Variants in CAMTA1 observed in about 807,000 individuals in gnomAD.
CAMTA1 encodes calmodulin binding transcription activator 1.
CAMTA1 carries 27 observed loss-of-function variants against 170.9 expected under a neutral mutation model. The observed-to-expected ratio is 0.16, with a 90% confidence interval of 0.12 to 0.22. The LOEUF (loss-of-function observed/expected upper bound fraction) is 0.22, where lower values mean the gene tolerates loss of function less well. CAMTA1 is among the 10% of genes least tolerant of loss of function. The pLI is 1.00. For missense variants in CAMTA1, 1,619 were observed against 2,217.2 expected (o/e 0.73, Z 5.42); for synonymous variants, 833 against 891.5 (o/e 0.93, Z 1.17).
chr1:7,740,357 T>C (rs1224209780), intron 16 of CAMTA1, among the ~76,000 whole-genome samples: 1 of 152,238 alleles, frequency 6.6e-6, no homozygotes, highest in African/African-American at 2.4e-5. Context: ...TTTATTTACA[T>C]AAACAGGCAG....
Position 7,625,615 on chromosome 1 carries a change from G to A in CAMTA1, c.511-14785G>A, listed in dbSNP as rs192091025. ...GAGAGGGACAGTTTGAGGCAGTGTC[G>A]GGGTTCACGAGCTTGCTCTCCTCTG... On this transcript the variant is annotated intron_variant, in intron 6 of 22. Transcript: ENST00000303635. Among the ~76,000 whole-genome samples, 785 of 152,398 alleles carry A rather than the reference G, an allele frequency of 5.2e-3. 8 individuals are homozygous for A. Among genetic ancestry groups the A allele is most frequent in the African/African-American group, 0.017 (725 of 41,594 alleles).
chr1:7,250,239 A>T (rs533780198), intron 5 of CAMTA1, among the ~76,000 whole-genome samples: 60 of 152,100 alleles, frequency 3.9e-4, no homozygotes, highest in Admixed American at 2.8e-3. Flanking sequence ...CACCCCACAG[A>T]CTCTCAACCT....
At chr1:7,675,272 G>A (rs1305034093) in intron 10 of CAMTA1, among the ~76,000 whole-genome samples, 1 of 152,206 alleles carries the variant, frequency 6.6e-6, no homozygotes, top group African/African-American at 2.4e-5. Context: ...GGGGTACGGG[G>A]AGCTGAATAC....
intron 5 of CAMTA1, among the ~76,000 whole-genome samples, chr1:7,282,429 T>G (rs1574415203): frequency 6.6e-6 from 1 of 152,312 alleles, no homozygotes. Flanking sequence ...AAGAGCAGAA[T>G]CACCAGGCCA....
intron 4 of CAMTA1, among the ~76,000 whole-genome samples, chr1:7,164,059 A>ACGATGCCATCC (rs1553261016): frequency 6.6e-6 from 1 of 152,230 alleles, no homozygotes; most frequent in African/African-American, 2.4e-5. Flanking sequence ...AGATGCCATC[A>ACGATGCCATCC]CAATGCCAGG....
At chr1:7,237,313 C>T (rs1253499227) in intron 4 of CAMTA1, among the ~76,000 whole-genome samples, 2 of 152,110 alleles carry the variant, frequency 1.3e-5, no homozygotes, top group African/African-American at 4.8e-5. Context: ...TCTGCTGCCT[C>T]CGGGCCAGGG....
intron 3 of CAMTA1, among the ~76,000 whole-genome samples, chr1:6,944,650 A>G (rs1425886975): frequency 1.3e-5 from 2 of 152,224 alleles, no homozygotes. Context: ...TCCCTGTGTC[A>G]CATTGCGTCA....
At chr1:7,198,844 G>A (rs1035841983) in intron 4 of CAMTA1, among the ~76,000 whole-genome samples, 2 of 152,116 alleles carry the variant, frequency 1.3e-5, no homozygotes, top group South Asian at 2.1e-4. Context: ...TAGTGAGTCT[G>A]GGGGAGCCCT....
intron 9 of CAMTA1, among the ~76,000 whole-genome samples, chr1:7,668,819 G>A (rs945374100): frequency 1.3e-5 from 2 of 152,166 alleles, no homozygotes; most frequent in African/African-American, 4.8e-5. Context: ...TGTTGATTGC[G>A]GTTATTATTT....
intron 4 of CAMTA1, among the ~76,000 whole-genome samples, chr1:7,110,869 G>T (rs946449088): frequency 6.6e-6 from 1 of 152,194 alleles, no homozygotes; most frequent in African/African-American, 2.4e-5. Flanking sequence ...TCTCCTCTAT[G>T]TAACAAACCA....
Position 7,041,026 on chromosome 1 carries a change from C to G in CAMTA1, c.235-50278C>G, listed in dbSNP as rs916367851. 6.6e-6 allele frequency among the ~76,000 whole-genome samples: 1 copy of G among 152,330 alleles called. No homozygotes were observed. The highest frequency in any genetic ancestry group is 2.1e-4 in the South Asian group (1 of 4,826). On this transcript the variant is annotated intron_variant, in intron 3 of 22. Coordinates refer to ENST00000303635, the MANE Select transcript of CAMTA1 (RefSeq NM_015215.4). The surrounding 1 kb of genome is among the most constrained non-coding windows in gnomAD (Gnocchi z 5.1). ...CATGAGCCATGGTGCCTGGCCCTCC[C>G]TCTGTTTTTTAAGACAGGTGCGTGT...
chr1:6,964,901 G>A (rs973067597), intron 3 of CAMTA1, among the ~76,000 whole-genome samples: 4 of 152,208 alleles, frequency 2.6e-5, no homozygotes, highest in Non-Finnish European at 4.4e-5. Context: ...GTCTTCCACC[G>A]TGTCTTTTTT....
intron 4 of CAMTA1, among the ~76,000 whole-genome samples, chr1:7,105,798 C>T (rs1284200827): frequency 6.6e-6 from 1 of 152,008 alleles, no homozygotes; most frequent in Non-Finnish European, 1.5e-5. Flanking sequence ...CAAAAATTAG[C>T]TGGGCATGGT....
chr1:7,687,220 A>AGAGGAGGAGCTGGCC (rs1553249490), intron 11 of CAMTA1, among the ~76,000 whole-genome samples: 1 of 151,772 alleles, frequency 6.6e-6, no homozygotes, highest in Non-Finnish European at 1.5e-5. Context: ...GACACCAAGC[A>AGAGGAGGAGCTGGCC]GAGGAGGAGC....
rs1400779971 is a variant in CAMTA1 at position 7,399,981 on chromosome 1, C to A, written c.439-67849C>A. ...TCTTTGGGTTGAACCTGTTTGAGGT[C>A]TTTTGAGCTTCATGGATCTAGATGT... On this transcript the variant is annotated intron_variant, in intron 5 of 22. Coordinates refer to ENST00000303635, the MANE Select transcript of CAMTA1 (RefSeq NM_015215.4). 2.0e-5 allele frequency among the ~76,000 whole-genome samples: 3 copies of A among 152,160 alleles called. No individual in the cohort carries two copies. The East Asian group carries it at 5.8e-4, about 29-fold the overall frequency.
At chr1:7,302,041 G>T (rs531446874) in intron 5 of CAMTA1, among the ~76,000 whole-genome samples, 7 of 152,148 alleles carry the variant, frequency 4.6e-5, no homozygotes, top group Non-Finnish European at 1.0e-4. Flanking sequence ...CGATCAGGAC[G>T]CTGGTCTTTG....
At chr1:6,935,314 G>T (rs2149392519) in intron 3 of CAMTA1, among the ~76,000 whole-genome samples, 1 of 152,176 alleles carries the variant, frequency 6.6e-6, no homozygotes, top group South Asian at 2.1e-4. Flanking sequence ...CTTCCCAGGA[G>T]ATTTCACGTT....
At position 7,450,087 on chromosome 1, in the gene CAMTA1, GC is replaced by G. The variant is rs34001435; in HGVS notation, c.439-17738del. Among the ~76,000 whole-genome samples, 3 of 152,144 alleles carry G rather than the reference GC, an allele frequency of 2.0e-5. No individual in the cohort carries two copies. In the South Asian group the frequency reaches 6.2e-4, roughly 32 times the overall value. On this transcript the variant is annotated intron_variant, in intron 5 of 22. Transcript: ENST00000303635. ...CACCAGCCAGCCCAGCAGGGATGCG[GC>G]CCCCTTGGGGACTGCAGGCACCAAC...
At chr1:7,029,177 CT>C (rs1702437407) in intron 3 of CAMTA1, among the ~76,000 whole-genome samples, 1 of 152,144 alleles carries the variant, frequency 6.6e-6, no homozygotes, top group South Asian at 2.1e-4. Context: ...CTTCATTGCT[CT>C]TATGAGCACC....
Sources: allele counts gnomAD v4.1 joint callset (sites outside exome capture counted in the v4.1 genomes callset), GRCh38; gene constraint gnomAD v4.1.1; non-coding constraint Gnocchi (gnomAD v3.1); transcripts MANE v1.5; gene names NCBI Gene and HGNC (gene_info 2026-07-23, HGNC 2026-07-21).